Variants in BRD4 observed in about 807,000 individuals in gnomAD.
The protein encoded by BRD4 is bromodomain containing 4.
A neutral mutation model predicts 142.1 loss-of-function variants in BRD4; 16 were observed. The ratio of observed to expected loss-of-function variants is 0.11; its 90% confidence interval spans 0.08 to 0.17. The LOEUF is 0.17. BRD4 is among the 10% of genes least tolerant of loss of function. BRD4 has a pLI of 1.00. For missense variants in BRD4, 1,424 were observed against 1,810.9 expected (o/e 0.79, Z 3.88); for synonymous variants, 833 against 707.5 (o/e 1.18, Z -2.82).
chr19:15,253,913 AC>A, intron 11 of BRD4: 1 of 828,844 alleles, frequency 1.2e-6, no homozygotes, highest in Non-Finnish European at 1.9e-6. Flanking sequence ...ATCCTCCATG[AC>A]CAGACCCTGG....
chr19:15,283,538 G>T (rs1371683298), intron 1 of BRD4, among the ~76,000 whole-genome samples: 1 of 152,206 alleles, frequency 6.6e-6, no homozygotes, highest in Middle Eastern at 3.2e-3. Flanking sequence ...AGAGAGAGAT[G>T]AGTGAAATGC....
At position 15,237,630 on chromosome 19, in the gene BRD4, A is replaced by T; in HGVS notation, c.*747T>A. ...AACAAAAAATATATATAGAAAAAAA[A>T]GAAAAAAAAAAACGAAACAGAAACA... On this transcript the variant is annotated 3_prime_UTR_variant, in exon 20 of 20. Coordinates refer to ENST00000679869, the MANE Select transcript of BRD4 (RefSeq NM_001379291.1). The T allele has an allele frequency of 4.4e-6, 1 of 228,934 alleles. No individual in the cohort carries two copies. The highest frequency in any genetic ancestry group is 8.7e-6 in the Non-Finnish European group (1 of 115,520). The allele number at this position is 228,934 out of a possible 1,614,324, so 14.2% of individuals were successfully genotyped here.
chr19:15,241,510 C>T (rs2145506331), intron 14 of BRD4, among the ~76,000 whole-genome samples: 1 of 152,376 alleles, frequency 6.6e-6, no homozygotes, highest in East Asian at 1.9e-4. Context: ...TCCCAATCCA[C>T]ACTGCTCTTG....
chr19:15,244,384 G>C lies in BRD4; in HGVS notation c.2428C>G (p.Pro810Ala). The change falls in exon 13 of 20, where the codon CCC becomes GCC. Residue 810 changes from proline to alanine, a missense_variant. Pro to Ala is a conservative substitution (Grantham distance 27, BLOSUM62 -1). This residue lies in a region of BRD4 where 598 missense variants were observed against 647.8 expected (regional missense o/e 0.92). Transcript: ENST00000679869. ...TCAAAGACGCTGCCTGGGAGCTGGG[G>C]CTCCAGGACGGGCACCTGGGTGGCA... is the stretch of plus-strand genomic sequence containing the variant. ...FIATQVPVLE[P>A]QLPGSVFDPI... 1 of 1,604,122 alleles carries C rather than the reference G, an allele frequency of 6.2e-7. No homozygotes were observed. The highest frequency in any genetic ancestry group is 8.5e-7 in the Non-Finnish European group (1 of 1,177,382).
At chr19:15,241,394 G>A (rs2047236610) in intron 14 of BRD4, among the ~76,000 whole-genome samples, 1 of 152,236 alleles carries the variant, frequency 6.6e-6, no homozygotes. Context: ...TTCAGAGGAT[G>A]GCTCACGGAT....
intron 5 of BRD4, 48 bp downstream of exon 5, chr19:15,265,278 TCTGTGTAAAGCACGGGCAAGGACAGGGC>T: frequency 7.4e-7 from 1 of 1,342,310 alleles, no homozygotes; most frequent in East Asian, 2.6e-5. Flanking sequence ...CAGGACAGGC[TCTGTGTAAAGCACGGGCAAGGACAGGGC>T]CGCTCTCCTC....
chr19:15,273,224 G>T (rs879256268), intron 1 of BRD4, 91 bp from the exon 2 acceptor site: 7 of 1,345,304 alleles, frequency 5.2e-6, no homozygotes, highest in Non-Finnish European at 7.0e-6. Flanking sequence ...GGTCTCCAAG[G>T]ACTGAGTTCC....
chr19:15,306,594 T>C (rs1356372022), intron 1 of BRD4, among the ~76,000 whole-genome samples: 3 of 152,142 alleles, frequency 2.0e-5, no homozygotes, highest in Non-Finnish European at 4.4e-5. Flanking sequence ...TGACTTGGTG[T>C]GAGAGACGCG....
At chr19:15,329,316 G>A (rs2048136984) in intron 1 of BRD4, among the ~76,000 whole-genome samples, 1 of 152,108 alleles carries the variant, frequency 6.6e-6, no homozygotes, top group Admixed American at 6.6e-5. Context: ...TACTCTACAA[G>A]TTTATTCAAA....
Position 15,256,138 on chromosome 19 carries a change from C to G in BRD4, c.1677G>C (p.Glu559Asp). The G allele has an allele frequency of 6.2e-7, 1 of 1,611,512 alleles. No homozygotes were observed. Among genetic ancestry groups the G allele is most frequent in the Non-Finnish European group, 8.5e-7 (1 of 1,179,702 alleles). Reference protein sequence around the residue: ...EKHKRKEEVEENKKSKAKEPP... With the variant: ...EKHKRKEEVEDNKKSKAKEPP... Reference sequence around the variant, plus strand: ...GTTCCTTGGCTTTGCTTTTTTTATTCTCTTCCACTTCCTCTTTCCTTTTGT... The same window carrying G: ...GTTCCTTGGCTTTGCTTTTTTTATTGTCTTCCACTTCCTCTTTCCTTTTGT... Residue 559 changes from glutamate to aspartate, a missense_variant, in exon 9 of 20, where the codon GAG becomes GAC. Physicochemically the swap from Glu to Asp is conservative, Grantham distance 45. Transcript: ENST00000679869.
chr19:15,253,878 G>A (rs1159911630), intron 11 of BRD4: 8 of 1,114,552 alleles, frequency 7.2e-6, no homozygotes, highest in Admixed American at 2.3e-5. Flanking sequence ...CCAGGGCTCC[G>A]CAGTGTCAAC....
At chr19:15,262,023 A>G (rs897565621) in intron 7 of BRD4, among the ~76,000 whole-genome samples, 1 of 152,238 alleles carries the variant, frequency 6.6e-6, no homozygotes, top group East Asian at 1.9e-4. Flanking sequence ...ATCCTACCTC[A>G]AGAGTTTGAG....
chr19:15,292,078 G>C (rs2047786277), intron 1 of BRD4, among the ~76,000 whole-genome samples: 1 of 152,162 alleles, frequency 6.6e-6, no homozygotes, highest in Non-Finnish European at 1.5e-5. Flanking sequence ...CTGAATGATA[G>C]CCACTCAGCT....
intron 1 of BRD4, chr19:15,280,389 G>T: frequency 3.0e-6 from 3 of 1,016,780 alleles, no homozygotes; most frequent in Non-Finnish European, 3.5e-6. Context: ...GAAGCAGCTG[G>T]GTGCCATGTG....
At chr19:15,280,680 C>A (rs1335307706) in intron 1 of BRD4, among the ~76,000 whole-genome samples, 1 of 152,148 alleles carries the variant, frequency 6.6e-6, no homozygotes, top group Middle Eastern at 3.2e-3. Context: ...ATACAGACTG[C>A]CAGCCAATGC....
At chr19:15,296,924 G>A (rs2047827738) in intron 1 of BRD4, among the ~76,000 whole-genome samples, 1 of 151,624 alleles carries the variant, frequency 6.6e-6, no homozygotes, top group African/African-American at 2.4e-5. Context: ...GACGGCAGAA[G>A]CCCCCCCCAC....
chr19:15,252,040 G>A (rs1366046219), intron 11 of BRD4, among the ~76,000 whole-genome samples: 3 of 152,180 alleles, frequency 2.0e-5, no homozygotes, highest in Admixed American at 6.5e-5. Flanking sequence ...CAGATTACTT[G>A]TTGCACAATC....
At chr19:15,263,868 G>A (rs977009321) in intron 6 of BRD4, among the ~76,000 whole-genome samples, 1 of 152,230 alleles carries the variant, frequency 6.6e-6, no homozygotes, top group Non-Finnish European at 1.5e-5. Context: ...ACACAGTACA[G>A]GAGCTGGTCA....
At chr19:15,253,538 G>T in intron 11 of BRD4, 1 of 1,541,778 alleles carries the variant, frequency 6.5e-7, no homozygotes, top group Non-Finnish European at 8.7e-7. Flanking sequence ...GTCCAGGTGC[G>T]TGTGGAGTTA....
Sources: gnomAD v4.1 joint callset for allele counts (sites outside exome capture counted in the v4.1 genomes callset) on GRCh38, gnomAD v4.1.1 for gene constraint, gnomAD v4.1.1 regional missense constraint, MANE v1.5 for transcripts, NCBI Gene and HGNC (gene_info 2026-07-23, HGNC 2026-07-21) for gene names.